Variants in VAPB observed in about 807,000 individuals in gnomAD.
VAPB encodes the protein VAMP associated protein B and C.
In VAPB, 7 loss-of-function variants were observed where a neutral mutation model predicts 25.6. The observed-to-expected ratio is 0.27, with a 90% CI of 0.16 to 0.51. VAPB has a LOEUF of 0.51. Among genes scored for constraint, VAPB ranks in the 20% least tolerant of loss-of-function variants. The pLI is 0.97. For synonymous variants in VAPB, 112 were observed against 109.2 expected (o/e 1.03, Z -0.16); for missense variants, 266 against 301.3 (o/e 0.88, Z 0.87).
At chr20:58,404,817 G>T (rs1201572798) in intron 1 of VAPB, among the ~76,000 whole-genome samples, 1 of 152,090 alleles carries the variant, frequency 6.6e-6, no homozygotes, top group African/African-American at 2.4e-5. Context: ...AGATTGTTCT[G>T]TGTATTCTGG....
intron 1 of VAPB, among the ~76,000 whole-genome samples, chr20:58,414,611 C>T (rs1228997840): frequency 1.3e-5 from 2 of 151,506 alleles, no homozygotes; most frequent in African/African-American, 2.4e-5. Context: ...AGGCGCTCCC[C>T]ACATCTCAGA....
chr20:58,431,852 C>A (rs561857660), intron 2 of VAPB, among the ~76,000 whole-genome samples: 18 of 152,272 alleles, frequency 1.2e-4, no homozygotes, highest in African/African-American at 4.3e-4. Context: ...AGCCACCATG[C>A]CTGGCAGCCC....
intron 1 of VAPB, among the ~76,000 whole-genome samples, chr20:58,412,576 C>CAAAA (rs375713162): frequency 1.1e-5 from 1 of 90,768 alleles, no homozygotes; most frequent in African/African-American, 4.6e-5. Context: ...GACTCTGTCT[C>CAAAA]AAAAAAAAAA....
chr20:58,413,924 G>A (rs1449187854), intron 1 of VAPB, among the ~76,000 whole-genome samples: 1 of 88,438 alleles, frequency 1.1e-5, no homozygotes, highest in East Asian at 3.7e-4. Context: ...CTCACCTCCC[G>A]GATGGGGCGG....
chr20:58,404,628 C>G (rs1421428903), intron 1 of VAPB, among the ~76,000 whole-genome samples: 2 of 152,208 alleles, frequency 1.3e-5, no homozygotes, highest in African/African-American at 4.8e-5. Context: ...CTCTGTGCCT[C>G]AAATTTCTCC....
intron 2 of VAPB, among the ~76,000 whole-genome samples, chr20:58,433,707 A>G (rs1031522472): frequency 6.6e-6 from 1 of 152,206 alleles, no homozygotes; most frequent in Non-Finnish European, 1.5e-5. Flanking sequence ...ATTAAATGAG[A>G]TGATGGTAAA....
chr20:58,435,242 C>G (rs2070879201), intron 3 of VAPB, among the ~76,000 whole-genome samples: 1 of 151,172 alleles, frequency 6.6e-6, no homozygotes, highest in South Asian at 2.1e-4. Context: ...ATTAAGATGA[C>G]TTCATTTTTA....
chr20:58,397,530 A>AAC (rs1225306888), intron 1 of VAPB, among the ~76,000 whole-genome samples: 46 of 152,100 alleles, frequency 3.0e-4, no homozygotes, highest in Middle Eastern at 3.4e-3. Flanking sequence ...AAAAAAAAAA[A>AAC]AAAACAAAAC....
intron 2 of VAPB, among the ~76,000 whole-genome samples, chr20:58,428,881 T>C (rs1988865933): frequency 6.6e-6 from 1 of 152,158 alleles, no homozygotes; most frequent in African/African-American, 2.4e-5. Context: ...ATGTGGATAC[T>C]GAGATACTCC....
intron 1 of VAPB, among the ~76,000 whole-genome samples, chr20:58,389,841 C>T (rs1987745569): frequency 6.6e-6 from 1 of 152,234 alleles, no homozygotes; most frequent in Non-Finnish European, 1.5e-5. Flanking sequence ...CCGCCGCTGC[C>T]TTTGCCTAGA....
chr20:58,397,271 G>A (rs1987982099), intron 1 of VAPB, among the ~76,000 whole-genome samples: 1 of 152,144 alleles, frequency 6.6e-6, no homozygotes, highest in Non-Finnish European at 1.5e-5. Flanking sequence ...TGTAATCCCA[G>A]CACGTTGGGA....
In VAPB at chr20:58,444,385, A is replaced by G. The variant is rs1174454127; in HGVS notation, c.*150A>G. 1.0e-6 allele frequency: 1 copy of G among 984,574 alleles called. No homozygotes were observed. 61.0% of individuals were successfully genotyped at this position (984,574 alleles called of 1,614,324 possible). A position where few individuals can be genotyped will look rare whatever the true frequency, so the allele number is the denominator to read the frequency against. ...ATTACCCCTCCCTGCACACACATAC[A>G]CAGATACACACACACAAATATAATG... On this transcript the variant is annotated 3_prime_UTR_variant, in exon 6 of 6. Coordinates refer to ENST00000475243, the MANE Select transcript of VAPB (RefSeq NM_004738.5).
Position 58,432,588 on chromosome 20 carries a change from T to G in VAPB, c.212-2014T>G, listed in dbSNP as rs572390881. 3.9e-5 allele frequency among the ~76,000 whole-genome samples: 6 copies of G among 152,342 alleles called. No homozygotes were observed. The South Asian group carries it at 1.2e-3, about 32-fold the overall frequency. The stretch of plus-strand genomic sequence containing the variant: ...CACTTTAATTTTAGAAAGGGAACAT[T>G]AATCTAACAGTGAATCCCAGCTCCA... On this transcript the variant is annotated intron_variant, in intron 2 of 5. Coordinates refer to ENST00000475243, the MANE Select transcript of VAPB (RefSeq NM_004738.5).
chr20:58,435,784 T>A (rs1162017672), intron 3 of VAPB, among the ~76,000 whole-genome samples: 2 of 152,242 alleles, frequency 1.3e-5, no homozygotes, highest in Non-Finnish European at 2.9e-5. Context: ...ACAATTCTTA[T>A]GAAAACTTTC....
intron 1 of VAPB, among the ~76,000 whole-genome samples, chr20:58,407,663 G>GTT (rs966758284): frequency 7.4e-6 from 1 of 135,822 alleles, no homozygotes; most frequent in Non-Finnish European, 1.6e-5. Context: ...TTTTTTTTTT[G>GTT]TTTTTTTTTT....
intron 2 of VAPB, among the ~76,000 whole-genome samples, chr20:58,433,682 AC>A (rs1468250138): frequency 6.6e-6 from 1 of 152,206 alleles, no homozygotes; most frequent in African/African-American, 2.4e-5. Flanking sequence ...CAACAATAGT[AC>A]CTACTTTTTA....
intron 2 of VAPB, among the ~76,000 whole-genome samples, chr20:58,422,793 A>G (rs1161193612): frequency 6.6e-6 from 1 of 152,192 alleles, no homozygotes; most frequent in Non-Finnish European, 1.5e-5. Flanking sequence ...TAATTTCACT[A>G]AAGTAGCAAG....
chr20:58,391,481 C>G (rs1278328972), intron 1 of VAPB, among the ~76,000 whole-genome samples: 1 of 151,456 alleles, frequency 6.6e-6, no homozygotes, highest in Non-Finnish European at 1.5e-5. Flanking sequence ...GAGGAAATTG[C>G]ATGCACAGAG....
rs371134278 is a variant in VAPB, at chr20:58,444,092, C to T, written c.589C>T (p.Arg197Trp). 3.1e-6 allele frequency: 5 copies of T among 1,614,136 alleles called. No individual in the cohort carries two copies. The highest frequency in any genetic ancestry group is 4.2e-6 in the Non-Finnish European group (5 of 1,180,032). The change falls in exon 6 of 6, where the codon CGG becomes TGG. Residue 197 changes from arginine to tryptophan, a missense_variant. Arg to Trp is a moderately radical substitution (Grantham distance 101). Around this residue, in one of 3 missense-constraint regions of VAPB, gnomAD observed 136 missense variants for 130.7 expected, o/e 1.04. Transcript: ENST00000475243. ...NKQFKEEDGL[R>W]MRKTVQSNSP... Reference sequence around the variant, plus strand: ...GCTCCCGTAGGAAGAAGATGGACTGCGGATGAGGAAGACAGTGCAGAGCAA... The same window carrying T: ...GCTCCCGTAGGAAGAAGATGGACTGTGGATGAGGAAGACAGTGCAGAGCAA...
Sources: gnomAD v4.1 joint callset for allele counts (sites outside exome capture counted in the v4.1 genomes callset) on GRCh38, gnomAD v4.1.1 for gene constraint, gnomAD v4.1.1 regional missense constraint, MANE v1.5 for transcripts, NCBI Gene and HGNC (gene_info 2026-07-23, HGNC 2026-07-21) for gene names.